GULP1: variants seen among roughly 807,000 people sequenced by gnomAD.
The protein encoded by GULP1 is GULP PTB domain containing engulfment adaptor 1, also known as PTB domain-containing engulfment adapter protein 1.
Under a neutral mutation model 40.9 loss-of-function variants are expected in GULP1, and 19 were observed. The ratio of observed to expected loss-of-function variants is 0.46; its 90% CI spans 0.32 to 0.68. The LOEUF is 0.68. GULP1 is among the 30% of genes least tolerant of loss of function. The pLI, the probability that GULP1 is intolerant of heterozygous loss-of-function variation, is 0.03. For missense variants in GULP1, 312 were observed against 362.2 expected, an observed-to-expected ratio of 0.86 and a Z score of 1.12; for synonymous variants, 119 against 117.6, an observed-to-expected ratio of 1.01 and a Z score of -0.08.
chr2:188,421,237 A>G (rs988106719), intron 2 of GULP1, among the ~76,000 whole-genome samples: 1 of 152,174 alleles, frequency 6.6e-6, no homozygotes, highest in Non-Finnish European at 1.5e-5. Context: ...ACAAAAATCA[A>G]TTGTGTTTGT....
At chr2:188,454,029 C>G (rs2059048724) in intron 2 of GULP1, among the ~76,000 whole-genome samples, 1 of 152,206 alleles carries the variant, frequency 6.6e-6, no homozygotes, top group African/African-American at 2.4e-5. Context: ...GTATGGCTGG[C>G]AAGGCCCCCC....
At chr2:188,565,176 A>G (rs1433288835) in intron 7 of GULP1, among the ~76,000 whole-genome samples, 1 of 151,994 alleles carries the variant, frequency 6.6e-6, no homozygotes, top group African/African-American at 2.4e-5. Context: ...AAAGCACTAC[A>G]CATGAACAAA....
chr2:188,412,150 A>G (rs1374685418), intron 2 of GULP1, among the ~76,000 whole-genome samples: 1 of 152,086 alleles, frequency 6.6e-6, no homozygotes, highest in Non-Finnish European at 1.5e-5. Flanking sequence ...ACTTATAGTC[A>G]TGGTGGAAGG....
chr2:188,357,291 A>C (rs1454882286), intron 1 of GULP1, among the ~76,000 whole-genome samples: 2 of 152,278 alleles, frequency 1.3e-5, no homozygotes, highest in East Asian at 3.9e-4. Flanking sequence ...TGGAGAAAAT[A>C]TTTGCAAACT....
chr2:188,337,537 C>G (rs1018205603), intron 1 of GULP1, among the ~76,000 whole-genome samples: 2 of 150,878 alleles, frequency 1.3e-5, no homozygotes, highest in African/African-American at 4.9e-5. Flanking sequence ...AAATTAGTGA[C>G]AAAAAACAAG....
intron 6 of GULP1, among the ~76,000 whole-genome samples, chr2:188,530,551 C>T (rs893616624): frequency 6.6e-6 from 1 of 151,942 alleles, no homozygotes; most frequent in Non-Finnish European, 1.5e-5. Flanking sequence ...GGGCCTCATC[C>T]AATATGTCTA....
intron 2 of GULP1, among the ~76,000 whole-genome samples, chr2:188,458,122 A>C (rs539950987): frequency 2.0e-5 from 3 of 152,220 alleles, no homozygotes; most frequent in Admixed American, 6.5e-5. Context: ...CCAAACTATT[A>C]AGTATTTTAG....
At chr2:188,574,961 A>G (rs1377041931) in intron 9 of GULP1, among the ~76,000 whole-genome samples, 1 of 152,168 alleles carries the variant, frequency 6.6e-6, no homozygotes, top group Non-Finnish European at 1.5e-5. Flanking sequence ...CCTCAGAGAC[A>G]CTCTAAGGGA....
rs1484538980 is a variant in GULP1, at chr2:188,522,740, A to G, written c.91-16A>G. On this transcript the variant is annotated splice_polypyrimidine_tract_variant and intron_variant, in intron 4 of 11. Transcript: ENST00000409830. ...GATATGGTAAAAGCCTGTGTCTCAC[A>G]AATGACCATTTTCAGTTTCTTGGCA... is the stretch of plus-strand genomic sequence containing the variant. The G allele has an allele frequency of 6.4e-7, 1 of 1,568,564 alleles. No individual in the cohort carries two copies. Among genetic ancestry groups the G allele is most frequent in the Non-Finnish European group, 8.8e-7 (1 of 1,138,798 alleles).
chr2:188,462,400 G>A (rs549909198), intron 2 of GULP1, among the ~76,000 whole-genome samples: 8 of 152,280 alleles, frequency 5.3e-5, no homozygotes, highest in African/African-American at 1.7e-4. Context: ...GTATTCTGCA[G>A]CAATTTGATG....
intron 2 of GULP1, among the ~76,000 whole-genome samples, chr2:188,417,101 A>C (rs1468968248): frequency 6.6e-6 from 1 of 152,204 alleles, no homozygotes; most frequent in Admixed American, 6.5e-5. Flanking sequence ...ATACAAATAC[A>C]AGATTGTTTT....
chr2:188,529,216 T>A, intron 6 of GULP1, 21 bp downstream of exon 6: 1 of 1,096,438 alleles, frequency 9.1e-7, no homozygotes, highest in East Asian at 2.4e-5. Context: ...TTTTTTAATG[T>A]TAGAGGCAAT....
intron 4 of GULP1, among the ~76,000 whole-genome samples, chr2:188,514,363 G>A (rs989093546): frequency 3.9e-5 from 6 of 152,102 alleles, no homozygotes; most frequent in African/African-American, 1.4e-4. Flanking sequence ...TTAGCCTATG[G>A]TAAAATTGGT....
intron 2 of GULP1, among the ~76,000 whole-genome samples, chr2:188,428,605 C>T (rs2056494504): frequency 6.6e-6 from 1 of 152,106 alleles, no homozygotes; most frequent in African/African-American, 2.4e-5. Context: ...TTTCCTCCTG[C>T]TTTGGACATG....
intron 1 of GULP1, among the ~76,000 whole-genome samples, chr2:188,329,919 A>G (rs1271893231): frequency 1.3e-5 from 2 of 152,164 alleles, no homozygotes; most frequent in Non-Finnish European, 2.9e-5. Flanking sequence ...TGATAGGAGA[A>G]TAGTCATTGG....
At chr2:188,300,192 TA>T (rs754647947) in intron 1 of GULP1, among the ~76,000 whole-genome samples, 105 of 152,236 alleles carry the variant, frequency 6.9e-4, no homozygotes, top group African/African-American at 2.5e-3. Flanking sequence ...ACATGCAAAT[TA>T]AAAAAATTTT....
At chr2:188,433,589 A>G (rs3890574) in intron 2 of GULP1, among the ~76,000 whole-genome samples, 32,610 of 152,016 alleles carry the variant, frequency 0.21, 3,674 homozygotes, top group African/African-American at 0.27. Flanking sequence ...TCTATCAGAG[A>G]AGAATCTCTC....
At chr2:188,562,929 A>G (rs1397644897) in intron 7 of GULP1, among the ~76,000 whole-genome samples, 3 of 151,958 alleles carry the variant, frequency 2.0e-5, no homozygotes, top group Non-Finnish European at 4.4e-5. Context: ...AACACCCTTT[A>G]TATAACTATA....
intron 7 of GULP1, chr2:188,541,731 A>G (rs1173725784): frequency 7.8e-6 from 2 of 257,508 alleles, no homozygotes; most frequent in Non-Finnish European, 7.2e-6. Flanking sequence ...GAAAATAAAT[A>G]TTCTTAACTC....
Sources: allele counts gnomAD v4.1 joint callset (sites outside exome capture counted in the v4.1 genomes callset), GRCh38; gene constraint gnomAD v4.1.1; transcripts MANE v1.5; gene names NCBI Gene and HGNC (gene_info 2026-07-23, HGNC 2026-07-21).